C1R: variants seen among roughly 807,000 people sequenced by gnomAD.
C1R encodes the protein complement C1r.
In C1R, 15 loss-of-function variants were observed where a neutral mutation model predicts 27.6. The observed-to-expected ratio is 0.54, with a 90% CI of 0.36 to 0.84. The LOEUF is 0.84. Ranked by LOEUF, C1R falls within the 40% of genes least tolerant of loss-of-function variation. The pLI is 0.01. For synonymous variants in C1R, 253 were observed against 228.8 expected (o/e 1.11, Z -0.95); for missense variants, 544 against 577.9 (o/e 0.94, Z 0.60).
chr12:7,083,012 C>T (rs1938090340), intron 9 of C1R, among the ~76,000 whole-genome samples: 2 of 152,100 alleles, frequency 1.3e-5, no homozygotes, highest in Admixed American at 1.3e-4. Context: ...GATTTTTTCC[C>T]TTTTTTCTGT....
chr12:7,082,838 A>G (rs1285864789), intron 9 of C1R, among the ~76,000 whole-genome samples: 1 of 152,150 alleles, frequency 6.6e-6, no homozygotes, highest in Admixed American at 6.5e-5. Context: ...TTTAAACACT[A>G]TAGTGACACT....
chr12:7,092,226 A>G, intron 1 of C1R, 161 bp downstream of exon 1: 1 of 684,984 alleles, frequency 1.5e-6, no homozygotes, highest in Non-Finnish European at 2.7e-6. Context: ...CCCTAGGAGG[A>G]GGGATGGGGC....
Position 7,091,276 on chromosome 12 carries a change from C to A in C1R, c.231+176G>T. 1 of 603,078 alleles carries A rather than the reference C, an allele frequency of 1.7e-6. No individual in the cohort carries two copies. Among genetic ancestry groups the A allele is most frequent in the Non-Finnish European group, 2.9e-6 (1 of 342,590 alleles). The allele number at this position is 603,078 out of a possible 1,614,324, so 37.4% of individuals were successfully genotyped here. On this transcript the variant is annotated intron_variant, in intron 2 of 10. Coordinates refer to ENST00000647956, the MANE Select transcript of C1R (RefSeq NM_001733.7). The surrounding 1 kb of genome is among the most constrained non-coding windows in gnomAD (Gnocchi z 5.1). ...TCTGTGCTTCTCCCCTCAGTGCTCACCGAGGGCCTCTACACCAGTGAGCGC... is the reference window on the plus strand; with the variant it reads ...TCTGTGCTTCTCCCCTCAGTGCTCAACGAGGGCCTCTACACCAGTGAGCGC...
At position 7,090,053 on chromosome 12, in the gene C1R, C is replaced by G. The variant is rs148775990; in HGVS notation, c.424+3G>C. 3.4e-4 allele frequency: 261 copies of G among 770,666 alleles called. No homozygotes were observed. The East Asian group carries it at 6.3e-3, about 18-fold the overall frequency. The allele number at this position is 770,666 out of a possible 1,614,324, so 47.7% of individuals were successfully genotyped here. ...GAAAAGGGATCCCTGGGGGGCTACT[C>G]ACCCACAGCTTGGTAGTAGGCCAGG... On this transcript the variant is annotated splice_donor_region_variant and intron_variant, in intron 3 of 10. Coordinates refer to ENST00000647956, the MANE Select transcript of C1R (RefSeq NM_001733.7).
chr12:7,080,827 C>A lies in C1R; in HGVS notation c.1823G>T (p.Arg608Met). 6.2e-7 allele frequency: 1 copy of A among 1,613,964 alleles called. No individual in the cohort carries two copies. The highest frequency in any genetic ancestry group is 1.3e-5 in the African/African-American group (1 of 75,040). ...VMEEKIAHDL[R>M]FVRLPVANPQ... is the part of the protein sequence containing the mutation. ...ATTAGCTACGGGCAGACGGACAAACCTGAGGTCATGAGCAATCTTCTCCTC... is the reference window on the plus strand; with the variant it reads ...ATTAGCTACGGGCAGACGGACAAACATGAGGTCATGAGCAATCTTCTCCTC... The change falls in exon 11 of 11, where the codon AGG (arginine) becomes ATG (methionine). Residue 608 changes from arginine (R) to methionine (M), a missense_variant. Coordinates refer to ENST00000647956, the MANE Select transcript of C1R (RefSeq NM_001733.7). This position sits in a 1 kb window ranked among gnomAD's most constrained non-coding sequence, Gnocchi z 4.9.
intron 2 of C1R, among the ~76,000 whole-genome samples, chr12:7,090,829 ACTCGCCAAGT>A (rs1187102271): frequency 3.3e-5 from 5 of 151,568 alleles, no homozygotes; most frequent in Non-Finnish European, 7.4e-5. Context: ...AACACTGCAC[ACTCGCCAAGT>A]CTTCTGAGCC....
In C1R at chr12:7,088,854, G is replaced by A. The variant is rs749119957; in HGVS notation, c.901C>T (p.Arg301Cys). The change falls in exon 6 of 11, where the codon CGC (arginine) becomes TGC (cysteine). Residue 301 changes from arginine (R) to cysteine (C), a missense_variant. By Grantham distance (180) the Arg-to-Cys change is radical (BLOSUM62 -3). Around this residue, in one of 2 missense-constraint regions of C1R, gnomAD observed 291 missense variants for 209.0 expected, o/e 1.39. Coordinates refer to ENST00000647956, the MANE Select transcript of C1R (RefSeq NM_001733.7). ...GGAGCCTTACTCTCGGTGGTGTAGC[G>A]CAGCTTCCAGCCCCGGCTGTCCCCC... ...ESGDSRGWKL[R>C]YTTEIIKCPQ... The A allele has an allele frequency of 4.9e-5, 38 of 771,410 alleles. No homozygotes were observed. The highest frequency in any genetic ancestry group is 1.0e-4 in the Admixed American group (6 of 57,946). The allele number at this position is 771,410 out of a possible 1,614,324, so 47.8% of individuals were successfully genotyped here. A position where few individuals can be genotyped will look rare whatever the true frequency, so the allele number is the denominator to read the frequency against.
chr12:7,089,769 C>T (rs779970479), intron 3 of C1R, 36 bp from the exon 4 acceptor site: 2 of 775,094 alleles, frequency 2.6e-6, no homozygotes, highest in South Asian at 1.4e-5. Context: ...TAAGCTTCTG[C>T]TGGGAGACCT....
chr12:7,082,378 C>A (rs983193668), intron 9 of C1R, among the ~76,000 whole-genome samples: 2 of 152,038 alleles, frequency 1.3e-5, no homozygotes, highest in African/African-American at 4.8e-5. Flanking sequence ...GTTGCCCAGG[C>A]TGGAGTGCAG....
Position 7,082,062 on chromosome 12 carries a change from T to C in C1R, c.1318A>G (p.Lys440Glu), listed in dbSNP as rs1168689319. 6.5e-7 allele frequency: 1 copy of C among 1,536,894 alleles called. No individual in the cohort carries two copies. Among genetic ancestry groups the C allele is most frequent in the Admixed American group, 2.0e-5 (1 of 50,966 alleles). Residue 440 changes from lysine (K) to glutamate (E), a missense_variant, in exon 10 of 11, where the codon AAG (lysine) becomes GAG (glutamate). This residue lies in a region of C1R where 253 missense variants were observed against 368.9 expected (regional missense o/e 0.69). Transcript: ENST00000647956. Reference sequence around the variant, plus strand: ...AAGCACCGAGGAATCTTCTCTCCCTTCTGTTCATTCTTCCAAATGCCCTGT... The same window carrying C: ...AAGCACCGAGGAATCTTCTCTCCCTCCTGTTCATTCTTCCAAATGCCCTGT... ...TAQGIWKNEQ[K>E]GEKIPRCLPV...
Position 7,080,314 on chromosome 12 carries a change from C to T in C1R, c.*218G>A. 1 of 1,277,900 alleles carries T rather than the reference C, an allele frequency of 7.8e-7. No homozygotes were observed. The highest frequency in any genetic ancestry group is 9.9e-7 in the Non-Finnish European group (1 of 1,014,498). 79.2% of individuals were successfully genotyped at this position (1,277,900 alleles called of 1,614,324 possible). On this transcript the variant is annotated 3_prime_UTR_variant, in exon 11 of 11. Transcript: ENST00000647956. The surrounding 1 kb of genome is among the most constrained non-coding windows in gnomAD (Gnocchi z 4.9). ...GAAAGTGACAACTAGAGATTGATAA[C>T]TATATCCTCTGCAATCCTCAGAAGA...
At chr12:7,081,369 A>G in intron 10 of C1R, 68 bp from the exon 11 acceptor site, 1 of 1,431,590 alleles carries the variant, frequency 7.0e-7, no homozygotes, top group Non-Finnish European at 9.6e-7. Context: ...TTCTGCAGCC[A>G]GCCAGCTCCC....
intron 9 of C1R, among the ~76,000 whole-genome samples, chr12:7,082,871 C>T (rs1457868507): frequency 6.6e-6 from 1 of 152,008 alleles, no homozygotes; most frequent in African/African-American, 2.4e-5. Flanking sequence ...TTATTATCCT[C>T]ATTTTGTGGA....
rs975679016 is a variant in C1R, at chr12:7,088,738, G to A, written c.917-7C>T. 4 of 777,396 alleles carry A rather than the reference G, an allele frequency of 5.1e-6. No homozygotes were observed. Among genetic ancestry groups the A allele is most frequent in the Admixed American group, 1.7e-5 (1 of 58,448 alleles). 48.2% of individuals were successfully genotyped at this position (777,396 alleles called of 1,614,324 possible). A position where few individuals can be genotyped will look rare whatever the true frequency, so the allele number is the denominator to read the frequency against. ...GGCTGGGGGCACTTGATGACTGTTG[G>A]GGAGACCAGGGGGCATATTTATTTC... On this transcript the variant is annotated splice_region_variant and splice_polypyrimidine_tract_variant and intron_variant, in intron 6 of 10. Coordinates refer to ENST00000647956, the MANE Select transcript of C1R (RefSeq NM_001733.7).
chr12:7,081,467 C>T (rs1938062157), intron 10 of C1R, among the ~76,000 whole-genome samples, 166 bp from the exon 11 acceptor site: 2 of 150,218 alleles, frequency 1.3e-5, no homozygotes, highest in South Asian at 4.3e-4. Context: ...ACAGGCTCTT[C>T]TTGTTCTTGT....
At position 7,089,434 on chromosome 12, in the gene C1R, C is replaced by T; in HGVS notation, c.627G>A (p.Glu209=). The change falls in exon 5 of 11, where the codon GAG becomes GAA. Residue 209 remains glutamate (E), a synonymous_variant. Coordinates refer to ENST00000647956, the MANE Select transcript of C1R (RefSeq NM_001733.7). ...TEASGYISSL[E]YPRSYPPDLR... is the part of the protein sequence containing the mutation. The stretch of plus-strand genomic sequence containing the variant: ...GGTCAGGGGGGTAGGACCGAGGGTA[C>T]TCCAGGCTGGAGATGTAGCCTGATG... 2 of 779,318 alleles carry T rather than the reference C, an allele frequency of 2.6e-6. No homozygotes were observed. The highest frequency in any genetic ancestry group is 4.8e-6 in the Non-Finnish European group (2 of 417,074). The allele number at this position is 779,318 out of a possible 1,614,324, so 48.3% of individuals were successfully genotyped here. A position where few individuals can be genotyped will look rare whatever the true frequency, so the allele number is the denominator to read the frequency against.
Position 7,080,778 on chromosome 12 carries a change from G to T in C1R, c.1872C>A (p.Leu624=), listed in dbSNP as rs377602114. 1.4e-4 allele frequency: 232 copies of T among 1,613,818 alleles called. No homozygotes were observed. The highest frequency in any genetic ancestry group is 1.8e-4 in the Non-Finnish European group (216 of 1,179,886). ...VANPQACENW[L]RGKNRMDVFS... ...ACACATCCATCCTATTCTTTCCCCG[G>T]AGCCAGTTCTCACAGGCCTGTGGAT... The change falls in exon 11 of 11, where the codon CTC becomes CTA. Residue 624 remains leucine, a synonymous_variant. Coordinates refer to ENST00000647956, the MANE Select transcript of C1R (RefSeq NM_001733.7). This position sits in a 1 kb window ranked among gnomAD's most constrained non-coding sequence, Gnocchi z 4.9.
At chr12:7,082,960 G>A (rs1265712287) in intron 9 of C1R, among the ~76,000 whole-genome samples, 1 of 152,296 alleles carries the variant, frequency 6.6e-6, no homozygotes, top group East Asian at 1.9e-4. Context: ...GAGGTTTTCT[G>A]ACTCCAAAGC....
Position 7,091,174 on chromosome 12 carries a change from G to A in C1R, c.231+278C>T, listed in dbSNP as rs369012126. 5.9e-5 allele frequency: 26 copies of A among 442,396 alleles called. No individual in the cohort carries two copies. Among genetic ancestry groups the A allele is most frequent in the East Asian group, 4.3e-4 (9 of 21,038 alleles). 27.4% of individuals were successfully genotyped at this position (442,396 alleles called of 1,614,324 possible). ...CACAGTGGTTTCCCAAAGACTCTCA[G>A]CTAGACAGCAGATGGGGAAGGTTTT... On this transcript the variant is annotated intron_variant, in intron 2 of 10. Coordinates refer to ENST00000647956, the MANE Select transcript of C1R (RefSeq NM_001733.7). The surrounding 1 kb of genome is among the most constrained non-coding windows in gnomAD (Gnocchi z 5.1).
Sources: gnomAD v4.1 joint callset for allele counts (sites outside exome capture counted in the v4.1 genomes callset) on GRCh38, gnomAD v4.1.1 for gene constraint, gnomAD v4.1.1 regional missense constraint, Gnocchi (gnomAD v3.1) non-coding constraint, MANE v1.5 for transcripts, NCBI Gene and HGNC (gene_info 2026-07-23, HGNC 2026-07-21) for gene names.